The following DOK6 variants were observed in gnomAD, a reference collection of about 807,000 sequenced individuals.
DOK6 encodes the protein docking protein 6.
A neutral mutation model predicts 44.0 loss-of-function variants in DOK6; 22 were observed. That is an observed-to-expected ratio of 0.50 (90% CI 0.36 to 0.71). The LOEUF is 0.71. Among genes scored for constraint, DOK6 ranks in the 30% least tolerant of loss-of-function variants. DOK6 has a pLI of 0.00. For synonymous variants in DOK6, 166 were observed against 145.5 expected, an observed-to-expected ratio of 1.14 and a Z score of -1.01; for missense variants, 340 against 416.4, an observed-to-expected ratio of 0.82 and a Z score of 1.60.
chr18:69,447,295 C>A (rs1217302739), intron 1 of DOK6, among the ~76,000 whole-genome samples: 2 of 152,120 alleles, frequency 1.3e-5, no homozygotes, highest in Non-Finnish European at 2.9e-5. Flanking sequence ...TTCCTAGCAC[C>A]ATTTATTAAA....
At chr18:69,701,998 T>G (rs573534855) in intron 5 of DOK6, among the ~76,000 whole-genome samples, 41 of 152,146 alleles carry the variant, frequency 2.7e-4, no homozygotes, top group Admixed American at 5.2e-4. Context: ...TACAAAAGCA[T>G]AAAAATATAA....
intron 3 of DOK6, among the ~76,000 whole-genome samples, chr18:69,675,000 A>G (rs1179564103): frequency 5.3e-5 from 8 of 152,110 alleles, no homozygotes; most frequent in Non-Finnish European, 1.2e-4. Context: ...TTAGTGTGAC[A>G]ATATGTACTC....
At chr18:69,735,542 C>T (rs997716008) in intron 5 of DOK6, among the ~76,000 whole-genome samples, 17 of 152,252 alleles carry the variant, frequency 1.1e-4, no homozygotes, top group African/African-American at 3.4e-4. Context: ...TTAATTCTCC[C>T]AGCAATGACG....
intron 1 of DOK6, among the ~76,000 whole-genome samples, chr18:69,504,973 A>G (rs1422251521): frequency 6.6e-6 from 1 of 152,098 alleles, no homozygotes; most frequent in Non-Finnish European, 1.5e-5. Flanking sequence ...TTACTTATAT[A>G]TAGTTCCCTC....
chr18:69,462,007 A>C, intron 1 of DOK6, among the ~76,000 whole-genome samples: 1 of 152,002 alleles, frequency 6.6e-6, no homozygotes, highest in East Asian at 1.9e-4. Flanking sequence ...TTTCCCTTGC[A>C]TTTTCAAAAG....
intron 7 of DOK6, among the ~76,000 whole-genome samples, chr18:69,832,947 A>G (rs1012040513): frequency 1.3e-5 from 2 of 152,198 alleles, no homozygotes; most frequent in Non-Finnish European, 2.9e-5. Context: ...TTCCATGTTC[A>G]TGGATTGGAA....
intron 3 of DOK6, among the ~76,000 whole-genome samples, chr18:69,605,372 TGCTCTTAACAACTA>T (rs1983971676): frequency 1.3e-5 from 2 of 152,154 alleles, no homozygotes. Flanking sequence ...CCTCAGCACA[TGCTCTTAACAACTA>T]GGTCACCTGT....
At chr18:69,694,518 C>T (rs1986350099) in intron 4 of DOK6, among the ~76,000 whole-genome samples, 1 of 151,002 alleles carries the variant, frequency 6.6e-6, no homozygotes, top group African/African-American at 2.4e-5. Context: ...TTTGTTTCAA[C>T]CATTTAAAAT....
rs531087293 is a variant in DOK6 at position 69,821,791 on chromosome 18, T to TTC, written c.857-19452_857-19451insCT. ...TATTTGTTGATAGCATGCTATTGTT[T>TTC]TTTTTTTTAAAAAAAATCCTTTGAA... is the stretch of plus-strand genomic sequence containing the variant. On this transcript the variant is annotated intron_variant, in intron 7 of 7. Transcript: ENST00000382713. Among the ~76,000 whole-genome samples the TTC allele has an allele frequency of 5.8e-4, 77 of 133,692 alleles. 1 individual carries two copies. The South Asian group carries it at 0.018, about 31-fold the overall frequency. 87.7% of individuals were successfully genotyped at this position (133,692 alleles called of 152,430 possible).
chr18:69,421,745 A>G (rs1978498149), intron 1 of DOK6, among the ~76,000 whole-genome samples: 1 of 152,146 alleles, frequency 6.6e-6, no homozygotes, highest in Non-Finnish European at 1.5e-5. Flanking sequence ...TTACTTGATT[A>G]CATGTGGTTT....
chr18:69,542,907 C>T (rs1982307490), intron 1 of DOK6, among the ~76,000 whole-genome samples: 1 of 151,522 alleles, frequency 6.6e-6, no homozygotes, highest in Non-Finnish European at 1.5e-5. Flanking sequence ...GAGATCTTGA[C>T]ATTTCTTTTA....
chr18:69,827,913 T>G (rs1038531391), intron 7 of DOK6, among the ~76,000 whole-genome samples: 4 of 151,950 alleles, frequency 2.6e-5, no homozygotes, highest in Admixed American at 1.3e-4. Flanking sequence ...ATTTTCAAGT[T>G]TTTTCTTAAT....
In DOK6 at chr18:69,843,318, A is replaced by G. The variant is rs1381723751; in HGVS notation, c.*1935A>G. 1 of 152,234 alleles carries G rather than the reference A, an allele frequency of 6.6e-6. No individual in the cohort carries two copies. The highest frequency in any genetic ancestry group is 1.5e-5 in the Non-Finnish European group (1 of 68,042). The allele number at this position is 152,234 out of a possible 1,614,324, so 9.4% of individuals were successfully genotyped here. A position where few individuals can be genotyped will look rare whatever the true frequency, so the allele number is the denominator to read the frequency against. On this transcript the variant is annotated 3_prime_UTR_variant, in exon 8 of 8. Transcript: ENST00000382713. ...TTGAAATCATAGCTTTTGGGGTTAA[A>G]CACTTGTGAATTTCTTTTGCACATG...
chr18:69,512,338 T>C (rs113925458), intron 1 of DOK6, among the ~76,000 whole-genome samples: 20 of 102,096 alleles, frequency 2.0e-4, no homozygotes, highest in African/African-American at 5.0e-4. Flanking sequence ...TCTTCTTTTT[T>C]TTTTTTTTTT....
chr18:69,830,679 T>C (rs765932600), intron 7 of DOK6, among the ~76,000 whole-genome samples: 17 of 152,212 alleles, frequency 1.1e-4, no homozygotes, highest in Non-Finnish European at 2.5e-4. Context: ...TGTTTTTTGT[T>C]ATTCAGCAAC....
At chr18:69,696,025 C>A (rs1257686969) in intron 4 of DOK6, among the ~76,000 whole-genome samples, 5 of 151,990 alleles carry the variant, frequency 3.3e-5, no homozygotes, top group Non-Finnish European at 7.4e-5. Flanking sequence ...GCAAGTTGTC[C>A]AGTTGCTTTT....
chr18:69,694,284 G>A (rs972292829), intron 4 of DOK6, among the ~76,000 whole-genome samples: 1 of 151,388 alleles, frequency 6.6e-6, no homozygotes, highest in East Asian at 1.9e-4. Flanking sequence ...CTAGACTCTC[G>A]TAGTTGCAGC....
chr18:69,479,542 T>A (rs1980361102), intron 1 of DOK6, among the ~76,000 whole-genome samples: 1 of 152,150 alleles, frequency 6.6e-6, no homozygotes, highest in Admixed American at 6.6e-5. Flanking sequence ...CTTTCGGTAA[T>A]ATGGTCATCA....
chr18:69,560,767 A>T (rs1233259689), intron 1 of DOK6, among the ~76,000 whole-genome samples: 2 of 152,090 alleles, frequency 1.3e-5, no homozygotes, highest in Non-Finnish European at 2.9e-5. Flanking sequence ...TAATTTTTTA[A>T]CACTTAACAC....
Sources: gnomAD v4.1 joint callset for allele counts (sites outside exome capture counted in the v4.1 genomes callset) on GRCh38, gnomAD v4.1.1 for gene constraint, MANE v1.5 for transcripts, NCBI Gene and HGNC (gene_info 2026-07-23, HGNC 2026-07-21) for gene names.